The following SEPTIN14 variants were observed in gnomAD, a reference collection of about 807,000 sequenced individuals.
The protein encoded by SEPTIN14 is septin 14.
A neutral mutation model predicts 53.6 loss-of-function variants in SEPTIN14; 40 were observed. The observed-to-expected ratio is 0.75, with a 90% CI of 0.58 to 0.97. The LOEUF (loss-of-function observed/expected upper bound fraction) is 0.97, where lower values mean the gene tolerates loss of function less well. Ranked by LOEUF, SEPTIN14 falls within the 50% of genes least tolerant of loss-of-function variation. The pLI, the probability that SEPTIN14 is intolerant of heterozygous loss-of-function variation, is 0.00. For synonymous variants in SEPTIN14, 138 were observed against 166.8 expected, an observed-to-expected ratio of 0.83 and a Z score of 1.33; for missense variants, 471 against 508.2, an observed-to-expected ratio of 0.93 and a Z score of 0.70.
chr7:55,848,031 CT>C (rs1789442986), intron 2 of SEPTIN14, among the ~76,000 whole-genome samples: 1 of 152,080 alleles, frequency 6.6e-6, no homozygotes, highest in Non-Finnish European at 1.5e-5. Flanking sequence ...TACAAAATAC[CT>C]TTTTATTTAA....
At chr7:55,858,145 C>T (rs577259730) in intron 2 of SEPTIN14, among the ~76,000 whole-genome samples, 15 of 152,238 alleles carry the variant, frequency 9.9e-5, no homozygotes, top group South Asian at 2.1e-4. Flanking sequence ...CTGGTGAAAG[C>T]ACATTGCTGC....
chr7:55,844,471 A>AT lies in SEPTIN14; in HGVS notation c.371+51_371+52insA, dbSNP rs1209114963. The AT allele has an allele frequency of 4.7e-6, 5 of 1,056,506 alleles. No individual in the cohort carries two copies. In the African/African-American group the frequency reaches 7.9e-5, roughly 17 times the overall value. 65.4% of individuals were successfully genotyped at this position (1,056,506 alleles called of 1,614,324 possible). A position where few individuals can be genotyped will look rare whatever the true frequency, so the allele number is the denominator to read the frequency against. On this transcript the variant is annotated intron_variant, in intron 4 of 9. Coordinates refer to ENST00000388975, the MANE Select transcript of SEPTIN14 (RefSeq NM_207366.3). ...AAATTAGTCTATGGCAAAGGAAGTC[A>AT]AATTCCTTGAAATAAGAAAACCTTT...
rs1220946471 is a variant in SEPTIN14 at position 55,795,047 on chromosome 7, C to A, written c.*866G>T. ...CAACTCTTTCTCTAGCTTTTGAATT[C>A]TTTATTCTAATATCAGTTTTAAGTC... On this transcript the variant is annotated 3_prime_UTR_variant, in exon 10 of 10. Coordinates refer to ENST00000388975, the MANE Select transcript of SEPTIN14 (RefSeq NM_207366.3). 2.0e-5 allele frequency: 3 copies of A among 152,140 alleles called. No homozygotes were observed. The highest frequency in any genetic ancestry group is 2.1e-4 in the South Asian group (1 of 4,818). The allele number at this position is 152,140 out of a possible 1,614,324, so 9.4% of individuals were successfully genotyped here. A position where few individuals can be genotyped will look rare whatever the true frequency, so the allele number is the denominator to read the frequency against.
At chr7:55,819,355 C>T (rs565754826) in intron 6 of SEPTIN14, 132 bp from the exon 7 acceptor site, 190 of 650,876 alleles carry the variant, frequency 2.9e-4, no homozygotes, top group Non-Finnish European at 4.3e-4. Flanking sequence ...TTTGGGAGGC[C>T]GAGGTGGGCG....
intron 6 of SEPTIN14, among the ~76,000 whole-genome samples, chr7:55,821,651 T>TC (rs1317904636): frequency 6.6e-6 from 1 of 152,162 alleles, no homozygotes; most frequent in East Asian, 1.9e-4. Flanking sequence ...GGTTAATCCC[T>TC]CCTTACCTAT....
intron 7 of SEPTIN14, chr7:55,811,000 C>T: frequency 2.3e-6 from 1 of 439,908 alleles, no homozygotes; most frequent in East Asian, 5.4e-5. Context: ...CATCTTTTGA[C>T]TGTTGCAATT....
At chr7:55,806,154 C>A (rs577418475) in intron 8 of SEPTIN14, among the ~76,000 whole-genome samples, 1 of 152,008 alleles carries the variant, frequency 6.6e-6, no homozygotes, top group Non-Finnish European at 1.5e-5. Flanking sequence ...CCCGCCACCA[C>A]GCCCAGCTAA....
chr7:55,796,851 G>C (rs1349772978), intron 9 of SEPTIN14, among the ~76,000 whole-genome samples: 5 of 152,082 alleles, frequency 3.3e-5, no homozygotes, highest in Admixed American at 6.6e-5. Flanking sequence ...AAGGCTGGGC[G>C]TGGTGGCTCA....
intron 9 of SEPTIN14, among the ~76,000 whole-genome samples, chr7:55,796,595 G>T (rs535200853): frequency 1.3e-5 from 2 of 151,958 alleles, no homozygotes; most frequent in Non-Finnish European, 2.9e-5. Flanking sequence ...CTGAGCTCAA[G>T]TGATCCTCCC....
rs776472222 is a variant in SEPTIN14 at position 55,844,491 on chromosome 7, A to G, written c.371+32T>C. The G allele has an allele frequency of 3.0e-5, 38 of 1,287,938 alleles. No individual in the cohort carries two copies. In the South Asian group the frequency reaches 7.2e-4, roughly 24 times the overall value. 79.8% of individuals were successfully genotyped at this position (1,287,938 alleles called of 1,614,324 possible). ...AAGTCAAATTCCTTGAAATAAGAAA[A>G]CCTTTTTTAATTTAAATAAGAAAAC... On this transcript the variant is annotated intron_variant, in intron 4 of 9. Transcript: ENST00000388975.
intron 7 of SEPTIN14, chr7:55,811,414 T>C: frequency 2.2e-6 from 1 of 460,690 alleles, no homozygotes; most frequent in East Asian, 5.9e-5. Context: ...GGAGCCATGG[T>C]GTTGGGTGGA....
At chr7:55,818,376 G>A (rs1247160703) in intron 7 of SEPTIN14, among the ~76,000 whole-genome samples, 1 of 145,820 alleles carries the variant, frequency 6.9e-6, no homozygotes, top group Non-Finnish European at 1.5e-5. Flanking sequence ...GAAGGCTTAG[G>A]CAGGAGAATA....
intron 2 of SEPTIN14, among the ~76,000 whole-genome samples, chr7:55,859,987 C>G (rs1789714105): frequency 6.6e-6 from 1 of 152,048 alleles, no homozygotes; most frequent in Admixed American, 6.6e-5. Flanking sequence ...TGAAACCAAC[C>G]TGGCCAATAT....
At chr7:55,849,695 G>A (rs528855700) in intron 2 of SEPTIN14, among the ~76,000 whole-genome samples, 2 of 152,124 alleles carry the variant, frequency 1.3e-5, no homozygotes, top group Non-Finnish European at 2.9e-5. Context: ...GCGGTGAGCC[G>A]AGATCGCACC....
chr7:55,802,916 C>A (rs2115955759), intron 9 of SEPTIN14, among the ~76,000 whole-genome samples: 1 of 151,794 alleles, frequency 6.6e-6, no homozygotes, highest in Admixed American at 6.6e-5. Flanking sequence ...AAACCTCATT[C>A]CGAAAATGGG....
chr7:55,838,165 A>T (rs1039606419), intron 5 of SEPTIN14, among the ~76,000 whole-genome samples: 1 of 152,206 alleles, frequency 6.6e-6, no homozygotes, highest in Non-Finnish European at 1.5e-5. Context: ...ATTTTGCTGA[A>T]GCCATGGGGC....
intron 7 of SEPTIN14, chr7:55,811,226 G>A (rs1788699843): frequency 1.9e-6 from 1 of 528,628 alleles, no homozygotes; most frequent in Admixed American, 2.2e-5. Flanking sequence ...GCAGTGCCTT[G>A]GGGAGCCGCA....
chr7:55,838,307 A>C (rs1789244476), intron 5 of SEPTIN14, among the ~76,000 whole-genome samples: 1 of 152,190 alleles, frequency 6.6e-6, no homozygotes, highest in African/African-American at 2.4e-5. Flanking sequence ...CCTGTCTGAT[A>C]TGATCTGTAA....
At chr7:55,830,346 TA>T (rs1189502255) in intron 6 of SEPTIN14, among the ~76,000 whole-genome samples, 2,143 of 23,844 alleles carry the variant, frequency 0.09, 103 homozygotes, top group African/African-American at 0.19. Flanking sequence ...TATATATATA[TA>T]TATTTTTTTT....
Sources: allele counts gnomAD v4.1 joint callset (sites outside exome capture counted in the v4.1 genomes callset), GRCh38; gene constraint gnomAD v4.1.1; transcripts MANE v1.5; gene names NCBI Gene and HGNC (gene_info 2026-07-23, HGNC 2026-07-21).